MDGA2: variants seen among roughly 807,000 people sequenced by gnomAD.
MDGA2 encodes the protein MAM domain-containing glycosylphosphatidylinositol anchor protein 2.
A neutral mutation model predicts 117.8 loss-of-function variants in MDGA2; 40 were observed. That is an observed-to-expected ratio of 0.34 (90% CI 0.26 to 0.44). The LOEUF is 0.44. Among genes scored for constraint, MDGA2 ranks in the 20% least tolerant of loss-of-function variants. The pLI, the probability that MDGA2 is intolerant of heterozygous loss-of-function variation, is 1.00. For missense variants in MDGA2, 1,123 were observed against 1,250.6 expected, an observed-to-expected ratio of 0.90 and a Z score of 1.54; for synonymous variants, 452 against 439.0, an observed-to-expected ratio of 1.03 and a Z score of -0.37.
intron 1 of MDGA2, among the ~76,000 whole-genome samples, chr14:47,341,568 ACTTCAATG>A (rs1890623061): frequency 6.6e-6 from 1 of 152,360 alleles, no homozygotes; most frequent in East Asian, 1.9e-4. Context: ...ATAGGAAGTT[ACTTCAATG>A]CAAATAATAT....
In MDGA2 at chr14:46,845,827, A is replaced by C; in HGVS notation, c.2928T>G (p.Ile976Met). 1 of 1,613,616 alleles carries C rather than the reference A, an allele frequency of 6.2e-7. No individual in the cohort carries two copies. Among genetic ancestry groups the C allele is most frequent in the Non-Finnish European group, 8.5e-7 (1 of 1,179,686 alleles). ...GIRGPGIEGD[I>M]AIDDVSIAEG... is the part of the protein sequence containing the mutation. ...CTGCAATTGATACATCATCAATAGC[A>C]ATGTCACCTTCTATTCCAGGACCTC... Residue 976 changes from isoleucine to methionine, a missense_variant, in exon 16 of 17, where the codon ATT (isoleucine) becomes ATG (methionine). By Grantham distance (10) the Ile-to-Met change is conservative. Around this residue, in one of 2 missense-constraint regions of MDGA2, gnomAD observed 890 missense variants for 1,050.3 expected, o/e 0.85. Transcript: ENST00000399232.
chr14:47,166,815 T>C (rs982548492), intron 3 of MDGA2, among the ~76,000 whole-genome samples: 9 of 152,206 alleles, frequency 5.9e-5, no homozygotes, highest in African/African-American at 1.9e-4. Flanking sequence ...AGCCTGATAG[T>C]ACTAAGAGCA....
chr14:47,612,695 T>C (rs1042922575), intron 1 of MDGA2, among the ~76,000 whole-genome samples: 9 of 152,184 alleles, frequency 5.9e-5, no homozygotes, highest in Non-Finnish European at 1.2e-4. Flanking sequence ...AAAAGCTATC[T>C]ATACTTTGTT....
At chr14:47,564,774 T>C (rs1359483950) in intron 1 of MDGA2, among the ~76,000 whole-genome samples, 1 of 152,238 alleles carries the variant, frequency 6.6e-6, no homozygotes, top group African/African-American at 2.4e-5. Context: ...TTGGTCTCTT[T>C]ACATCATCCA....
At chr14:47,662,836 G>A (rs1388432930) in intron 1 of MDGA2, among the ~76,000 whole-genome samples, 1 of 152,140 alleles carries the variant, frequency 6.6e-6, no homozygotes, top group Non-Finnish European at 1.5e-5. Context: ...TAATATTGTA[G>A]GGAATGGTCA....
At chr14:46,992,277 T>G (rs1452206664) in intron 8 of MDGA2, among the ~76,000 whole-genome samples, 9 of 152,300 alleles carry the variant, frequency 5.9e-5, no homozygotes, top group Non-Finnish European at 5.9e-5. Context: ...GGCTAAATTG[T>G]TAAAATGTCC....
chr14:46,901,117 T>A (rs527610371), intron 10 of MDGA2, among the ~76,000 whole-genome samples: 3 of 140,458 alleles, frequency 2.1e-5, no homozygotes, highest in African/African-American at 8.0e-5. Flanking sequence ...CATGAATACT[T>A]ACACACAAAC....
intron 3 of MDGA2, among the ~76,000 whole-genome samples, chr14:47,165,297 C>T (rs1272115812): frequency 6.6e-6 from 1 of 152,096 alleles, no homozygotes; most frequent in Non-Finnish European, 1.5e-5. Flanking sequence ...ATTAAAATAT[C>T]CAGTTCAATA....
chr14:47,285,203 C>T (rs968051368), intron 2 of MDGA2, among the ~76,000 whole-genome samples: 1 of 152,122 alleles, frequency 6.6e-6, no homozygotes, highest in Admixed American at 6.6e-5. Flanking sequence ...CTTGGGCTTT[C>T]TGTTTTGTGC....
At chr14:47,308,933 C>T (rs1336807078) in intron 1 of MDGA2, among the ~76,000 whole-genome samples, 1 of 152,046 alleles carries the variant, frequency 6.6e-6, no homozygotes, top group Non-Finnish European at 1.5e-5. Flanking sequence ...CTCCTTCAGC[C>T]TTAGCTTACT....
intron 1 of MDGA2, among the ~76,000 whole-genome samples, chr14:47,625,095 C>T (rs7150751): frequency 0.068 from 10,270 of 152,016 alleles, 1,143 homozygotes; most frequent in African/African-American, 0.23. Flanking sequence ...AACAGTTTGC[C>T]CTAGATTGTA....
intron 8 of MDGA2, among the ~76,000 whole-genome samples, chr14:46,996,212 T>C (rs924436046): frequency 6.6e-6 from 1 of 152,160 alleles, no homozygotes; most frequent in African/African-American, 2.4e-5. Context: ...TGATAGGAAA[T>C]TAAATTCTTA....
chr14:47,055,777 T>C lies in MDGA2; in HGVS notation c.1525+5472A>G, dbSNP rs534940286. 4.6e-4 allele frequency among the ~76,000 whole-genome samples: 70 copies of C among 152,256 alleles called. No individual in the cohort carries two copies. The East Asian group carries it at 4.8e-3, about 11-fold the overall frequency. ...ATTGGAACACAGCTGTGCCCATTTA[T>C]TTATTGCCTATGGCAGCTTGCCCAT... On this transcript the variant is annotated intron_variant, in intron 7 of 16. Transcript: ENST00000399232.
intron 3 of MDGA2, among the ~76,000 whole-genome samples, chr14:47,200,189 G>A (rs868647026): frequency 1.6e-4 from 24 of 151,890 alleles, no homozygotes; most frequent in Admixed American, 3.9e-4. Flanking sequence ...GAACGAAAAA[G>A]GAAGAAGAAA....
chr14:47,558,575 G>A (rs1451152037), intron 1 of MDGA2, among the ~76,000 whole-genome samples: 8 of 152,150 alleles, frequency 5.3e-5, no homozygotes, highest in Admixed American at 5.2e-4. Context: ...CTTTTAAGTA[G>A]TGGATTTCAT....
At chr14:47,089,614 T>G (rs1891034283) in intron 6 of MDGA2, among the ~76,000 whole-genome samples, 1 of 152,080 alleles carries the variant, frequency 6.6e-6, no homozygotes, top group Non-Finnish European at 1.5e-5. Context: ...TGTATTTTTT[T>G]TATTATACTT....
At chr14:47,630,028 T>C (rs1897224146) in intron 1 of MDGA2, among the ~76,000 whole-genome samples, 2 of 151,942 alleles carry the variant, frequency 1.3e-5, no homozygotes, top group African/African-American at 4.8e-5. Flanking sequence ...AAAACATAAC[T>C]TGTGGGGAGG....
chr14:47,366,301 A>G (rs1248289103), intron 1 of MDGA2, among the ~76,000 whole-genome samples: 1 of 152,170 alleles, frequency 6.6e-6, no homozygotes, highest in Non-Finnish European at 1.5e-5. Context: ...CAGAAAGAGT[A>G]GGAAGAATTT....
chr14:47,632,209 C>T (rs1412062854), intron 1 of MDGA2, among the ~76,000 whole-genome samples: 1 of 152,172 alleles, frequency 6.6e-6, no homozygotes, highest in Non-Finnish European at 1.5e-5. Flanking sequence ...TCCTCCTGCA[C>T]AAAATTTTAT....
Sources: gnomAD v4.1 joint callset for allele counts (sites outside exome capture counted in the v4.1 genomes callset) on GRCh38, gnomAD v4.1.1 for gene constraint, gnomAD v4.1.1 regional missense constraint, MANE v1.5 for transcripts, NCBI Gene and HGNC (gene_info 2026-07-23, HGNC 2026-07-21) for gene names.